The following ZRANB3 variants were observed in gnomAD, a reference collection of about 807,000 sequenced individuals.
ZRANB3 encodes zinc finger RANBP2-type containing 3.
A neutral mutation model predicts 133.8 loss-of-function variants in ZRANB3; 125 were observed. The observed-to-expected ratio is 0.93, with a 90% CI of 0.81 to 1.08. The LOEUF (loss-of-function observed/expected upper bound fraction) is 1.08. Among genes scored for constraint, ZRANB3 ranks in the 50% least tolerant of loss-of-function variants. The pLI is 0.00. For synonymous variants in ZRANB3, 387 were observed against 432.7 expected (o/e 0.89, Z 1.31); for missense variants, 1,229 against 1,275.5 (o/e 0.96, Z 0.56).
intron 8 of ZRANB3, among the ~76,000 whole-genome samples, chr2:135,282,381 AC>A (rs1326204895): frequency 6.6e-6 from 1 of 152,136 alleles, no homozygotes; most frequent in East Asian, 1.9e-4. Context: ...GCCTGAAAAA[AC>A]ATTTTCAAAT....
intron 12 of ZRANB3, among the ~76,000 whole-genome samples, chr2:135,257,623 G>A (rs1215599926): frequency 6.6e-6 from 1 of 152,178 alleles, no homozygotes; most frequent in Non-Finnish European, 1.5e-5. Context: ...CCTAGTGGGT[G>A]TGATGTGATA....
intron 8 of ZRANB3, among the ~76,000 whole-genome samples, chr2:135,287,876 C>T (rs1681463515): frequency 6.6e-6 from 1 of 152,000 alleles, no homozygotes; most frequent in Admixed American, 6.6e-5. Context: ...TTATCATTGG[C>T]AAACCATGAC....
intron 2 of ZRANB3, among the ~76,000 whole-genome samples, chr2:135,442,309 T>A (rs1689816585): frequency 6.6e-6 from 1 of 152,172 alleles, no homozygotes; most frequent in Admixed American, 6.6e-5. Flanking sequence ...GAAAAAGGGC[T>A]AACATCCAGA....
At chr2:135,257,336 A>C (rs1008821836) in intron 12 of ZRANB3, among the ~76,000 whole-genome samples, 4 of 152,196 alleles carry the variant, frequency 2.6e-5, no homozygotes, top group African/African-American at 9.6e-5. Context: ...TTGTTTACCC[A>C]TTCATCAATT....
chr2:135,519,831 G>A (rs1469344097), intron 1 of ZRANB3, among the ~76,000 whole-genome samples: 11 of 152,104 alleles, frequency 7.2e-5, no homozygotes, highest in Admixed American at 5.9e-4. Flanking sequence ...GCATACACAC[G>A]GGACTAATTT....
intron 1 of ZRANB3, among the ~76,000 whole-genome samples, chr2:135,505,376 C>G (rs941457316): frequency 1.3e-5 from 2 of 152,028 alleles, no homozygotes; most frequent in Admixed American, 6.6e-5. Flanking sequence ...GAGTTCAAGA[C>G]CAGACTGGCC....
intron 1 of ZRANB3, among the ~76,000 whole-genome samples, chr2:135,517,711 G>A (rs1029987306): frequency 1.3e-5 from 2 of 152,194 alleles, no homozygotes; most frequent in Non-Finnish European, 2.9e-5. Context: ...CTGCTGGGAG[G>A]TGTCTCCCAG....
intron 15 of ZRANB3, among the ~76,000 whole-genome samples, chr2:135,223,610 G>A (rs1238917292): frequency 6.6e-6 from 1 of 152,040 alleles, no homozygotes; most frequent in East Asian, 1.9e-4. Context: ...TTACAGGCAT[G>A]AGCCACCACA....
At chr2:135,249,250 T>A (rs919672318) in intron 12 of ZRANB3, among the ~76,000 whole-genome samples, 1 of 152,228 alleles carries the variant, frequency 6.6e-6, no homozygotes, top group Non-Finnish European at 1.5e-5. Context: ...ACTGGGCATA[T>A]GCCCAGAGGA....
rs114780931 is a variant in ZRANB3, at chr2:135,287,591, G to A, written c.967-11836C>T. On this transcript the variant is annotated intron_variant, in intron 8 of 20. Transcript: ENST00000264159. ...TGACGTGTTTCCATTTGTTAGTGTCGTCTGTGATTTCCTTCAGCAGTGTTT... is the reference window on the plus strand; with the variant it reads ...TGACGTGTTTCCATTTGTTAGTGTCATCTGTGATTTCCTTCAGCAGTGTTT... Among the ~76,000 whole-genome samples the A allele has an allele frequency of 1.4e-3, 211 of 150,552 alleles. 2 individuals carry two copies. The highest frequency in any genetic ancestry group is 4.5e-3 in the African/African-American group (183 of 40,748).
intron 2 of ZRANB3, among the ~76,000 whole-genome samples, chr2:135,452,188 T>A (rs755435572): frequency 6.6e-6 from 1 of 152,134 alleles, no homozygotes; most frequent in Non-Finnish European, 1.5e-5. Context: ...AAACCCCTGA[T>A]GAACCCATCA....
chr2:135,274,404 T>C (rs970064187), intron 9 of ZRANB3, among the ~76,000 whole-genome samples: 1 of 152,148 alleles, frequency 6.6e-6, no homozygotes. Flanking sequence ...ATGACTGCAG[T>C]TGGGTACTAA....
chr2:135,254,729 C>A (rs1679567601), intron 12 of ZRANB3, among the ~76,000 whole-genome samples: 1 of 152,054 alleles, frequency 6.6e-6, no homozygotes, highest in African/African-American at 2.4e-5. Flanking sequence ...GCAACCATCA[C>A]CCCTGTTTAA....
At chr2:135,494,907 G>C (rs60511764) in intron 2 of ZRANB3, among the ~76,000 whole-genome samples, 10,331 of 152,206 alleles carry the variant, frequency 0.068, 718 homozygotes, top group African/African-American at 0.18. Context: ...ACAGCATTGG[G>C]ACAACTGACA....
chr2:135,492,686 A>G (rs1223365822), intron 2 of ZRANB3, among the ~76,000 whole-genome samples: 1 of 152,160 alleles, frequency 6.6e-6, no homozygotes, highest in Non-Finnish European at 1.5e-5. Flanking sequence ...TCAAACATAC[A>G]GTGATGAGTG....
chr2:135,356,497 T>C (rs1251279611), intron 3 of ZRANB3, among the ~76,000 whole-genome samples: 3 of 152,128 alleles, frequency 2.0e-5, no homozygotes, highest in African/African-American at 7.2e-5. Flanking sequence ...CTAGCATAAG[T>C]ATGGGTAAGA....
intron 8 of ZRANB3, among the ~76,000 whole-genome samples, chr2:135,301,389 T>G (rs1345618885): frequency 6.6e-6 from 1 of 152,074 alleles, no homozygotes; most frequent in Non-Finnish European, 1.5e-5. Flanking sequence ...TTTCACCATG[T>G]TGGCCAGGTT....
intron 3 of ZRANB3, among the ~76,000 whole-genome samples, chr2:135,381,225 T>A: frequency 6.6e-6 from 1 of 152,068 alleles, no homozygotes; most frequent in South Asian, 2.1e-4. Context: ...GCTCGCAGGG[T>A]CCTACGCCCA....
At chr2:135,207,895 T>C in intron 18 of ZRANB3, 59 bp from the exon 19 acceptor site, 1 of 1,485,006 alleles carries the variant, frequency 6.7e-7, no homozygotes, top group Non-Finnish European at 9.0e-7. Flanking sequence ...AAATAGTAAT[T>C]GCTTCATATA....
Sources: gnomAD v4.1 joint callset for allele counts (sites outside exome capture counted in the v4.1 genomes callset) on GRCh38, gnomAD v4.1.1 for gene constraint, MANE v1.5 for transcripts, NCBI Gene and HGNC (gene_info 2026-07-23, HGNC 2026-07-21) for gene names.